Variants in UBE4A observed in about 807,000 individuals in gnomAD.
The protein encoded by UBE4A is ubiquitin conjugation factor E4 A.
In UBE4A, 48 loss-of-function variants were observed where a neutral mutation model predicts 117.9. The ratio of observed to expected loss-of-function variants is 0.41; its 90% CI spans 0.32 to 0.52. The LOEUF (loss-of-function observed/expected upper bound fraction) is 0.52, where lower values mean the gene tolerates loss of function less well. Among genes scored for constraint, UBE4A ranks in the 20% least tolerant of loss-of-function variants. UBE4A has a pLI of 0.33. For missense variants in UBE4A, 1,067 were observed against 1,296.3 expected (o/e 0.82, Z 2.72); for synonymous variants, 407 against 450.0 (o/e 0.90, Z 1.21).
chr11:118,379,574 T>G lies in UBE4A; in HGVS notation c.1700T>G (p.Ile567Ser), dbSNP rs1555125943. 6.2e-7 allele frequency: 1 copy of G among 1,614,210 alleles called. No individual in the cohort carries two copies. ...LREQFERLMT[I>S]YLSTKTAMTE... ...GAGCAGTTTGAACGACTGATGACCA[T>G]CTATCTTTCTACCAAGACTGCCATG... The change falls in exon 11 of 20, where the codon ATC (isoleucine) becomes AGC (serine). Residue 567 changes from isoleucine to serine, a missense_variant. Physicochemically the swap from Ile to Ser is moderately radical, Grantham distance 142. Transcript: ENST00000252108.
At position 118,373,095 on chromosome 11, in the gene UBE4A, A is replaced by T; in HGVS notation, c.731A>T (p.Asp244Val). The stretch of plus-strand genomic sequence containing the variant: ...ATTTGTCTTCTGTTAGATTTTGAAG[A>T]TGTAACTGAGTTTCTGGAAGAGGTC... ...LEAIQGAHFE[D>V]VTEFLEEVIE... is the part of the protein sequence containing the mutation. The change falls in exon 7 of 20, where the codon GAT (aspartate) becomes GTT (valine). Residue 244 changes from aspartate (D) to valine (V), a missense_variant. Asp to Val is a radical substitution (Grantham distance 152, BLOSUM62 -3). Coordinates refer to ENST00000252108, the MANE Select transcript of UBE4A (RefSeq NM_001204077.2). 1.2e-6 allele frequency: 2 copies of T among 1,613,970 alleles called. No homozygotes were observed. The highest frequency in any genetic ancestry group is 1.7e-6 in the Non-Finnish European group (2 of 1,179,970).
intron 1 of UBE4A, among the ~76,000 whole-genome samples, chr11:118,362,641 C>T (rs1948529321): frequency 6.6e-6 from 1 of 152,284 alleles, no homozygotes; most frequent in South Asian, 2.1e-4. Context: ...TCTCTCAATT[C>T]TGTTTTCTAG....
chr11:118,392,955 T>C, intron 19 of UBE4A, 60 bp downstream of exon 19: 8 of 1,546,310 alleles, frequency 5.2e-6, no homozygotes, highest in Non-Finnish European at 7.0e-6. Context: ...GCTATCTTTT[T>C]CTCCCAGGCA....
intron 16 of UBE4A, 112 bp downstream of exon 16, chr11:118,386,724 C>T: frequency 8.4e-7 from 1 of 1,189,566 alleles, no homozygotes; most frequent in Non-Finnish European, 1.1e-6. Context: ...ACAGTATCCT[C>T]CACATCTGGA....
rs1948875762 is a variant in UBE4A at position 118,396,541 on chromosome 11, CTTTTTCTTTT to C, written c.*107_*116del. On this transcript the variant is annotated 3_prime_UTR_variant, in exon 20 of 20. Coordinates refer to ENST00000252108, the MANE Select transcript of UBE4A (RefSeq NM_001204077.2). ...TTCTGTTCCTTTTCTTTCTTCTTTTCTTTTTCTTTTTTTTTTTTTTTTTTACTAAATTAGA... is the reference window on the plus strand; with the variant it reads ...TTCTGTTCCTTTTCTTTCTTCTTTTCTTTTTTTTTTTTTTACTAAATTAGA... The C allele has an allele frequency of 1.1e-6, 1 of 911,766 alleles. No individual in the cohort carries two copies. Among genetic ancestry groups the C allele is most frequent in the Non-Finnish European group, 1.5e-6 (1 of 684,434 alleles). The allele number at this position is 911,766 out of a possible 1,614,324, so 56.5% of individuals were successfully genotyped here.
chr11:118,372,218 G>A (rs949523896), intron 5 of UBE4A, among the ~76,000 whole-genome samples: 5 of 152,160 alleles, frequency 3.3e-5, no homozygotes, highest in Non-Finnish European at 5.9e-5. Context: ...TCACACCACT[G>A]CACTCCAGCC....
At chr11:118,372,985 TAAAAAA>T in intron 6 of UBE4A, 95 bp from the exon 7 acceptor site, 1 of 961,128 alleles carries the variant, frequency 1.0e-6, no homozygotes, top group Non-Finnish European at 1.5e-6. Context: ...CCCCCAGCTC[TAAAAAA>T]AAAAAAAAAA....
intron 19 of UBE4A, among the ~76,000 whole-genome samples, chr11:118,395,849 T>G (rs1475097730): frequency 6.6e-6 from 1 of 152,038 alleles, no homozygotes; most frequent in Non-Finnish European, 1.5e-5. Context: ...CCAAGGCTGG[T>G]GGATCACTTG....
intron 17 of UBE4A, 57 bp downstream of exon 17, chr11:118,389,962 T>G: frequency 6.9e-7 from 1 of 1,453,856 alleles, no homozygotes; most frequent in Non-Finnish European, 9.3e-7. Flanking sequence ...TTTAGGGTTT[T>G]GATAGTAGAA....
Position 118,391,403 on chromosome 11 carries a change from C to T in UBE4A, c.2916+599C>T, listed in dbSNP as rs994550945. On this transcript the variant is annotated intron_variant, in intron 18 of 19. Transcript: ENST00000252108. ...ACTCGGGAGGCTGAGGCAGGAGAAT[C>T]GCTTGAACCTGGGAGGCGGAGGTTG... 5.4e-5 allele frequency among the ~76,000 whole-genome samples: 8 copies of T among 146,970 alleles called. No individual in the cohort carries two copies. In the South Asian group the frequency reaches 6.6e-4, roughly 12 times the overall value.
At chr11:118,379,301 A>G (rs181089600) in intron 10 of UBE4A, 145 bp from the exon 11 acceptor site, 23 of 873,304 alleles carry the variant, frequency 2.6e-5, no homozygotes, top group African/African-American at 1.0e-4. Flanking sequence ...TGTCCTGTCA[A>G]AAACTTTTGT....
Position 118,371,400 on chromosome 11 carries a change from A to G in UBE4A, c.409-114A>G, listed in dbSNP as rs45624435. 6.8e-3 allele frequency: 8,946 copies of G among 1,320,756 alleles called. 37 individuals are homozygous for G. The highest frequency in any genetic ancestry group is 7.8e-3 in the Non-Finnish European group (7,654 of 975,888). The allele number at this position is 1,320,756 out of a possible 1,614,324, so 81.8% of individuals were successfully genotyped here. ...GGGCCCTTTTTTTCTCCTTCACTCT[A>G]CATTCAAATCTGTGATTCTTGCTAA... On this transcript the variant is annotated intron_variant, in intron 4 of 19. Coordinates refer to ENST00000252108, the MANE Select transcript of UBE4A (RefSeq NM_001204077.2).
At chr11:118,394,138 ACT>A (rs1948846365) in intron 19 of UBE4A, among the ~76,000 whole-genome samples, 1 of 151,534 alleles carries the variant, frequency 6.6e-6, no homozygotes. Flanking sequence ...GTACTGAGAG[ACT>A]CTGCCTATTT....
chr11:118,375,256 C>CTCTGTGTG, intron 9 of UBE4A, 27 bp downstream of exon 9: 1 of 1,475,474 alleles, frequency 6.8e-7, no homozygotes, highest in Non-Finnish European at 9.2e-7. Context: ...CTTCTCAAAA[C>CTCTGTGTG]TGTGTGTGTG....
Position 118,398,181 on chromosome 11 carries a change from G to C in UBE4A, c.*1741G>C, listed in dbSNP as rs189287604. ...TCTCATTTTAAAAACGAGGGGAAAAGACCAGAGTTTTTCAGGAGAAAACTG... is the reference window on the plus strand; with the variant it reads ...TCTCATTTTAAAAACGAGGGGAAAACACCAGAGTTTTTCAGGAGAAAACTG... On this transcript the variant is annotated 3_prime_UTR_variant, in exon 20 of 20. Transcript: ENST00000252108. The C allele has an allele frequency of 3.3e-5, 5 of 152,640 alleles. No individual in the cohort carries two copies. Among genetic ancestry groups the C allele is most frequent in the Admixed American group, 3.3e-4 (5 of 15,294 alleles). 9.5% of individuals were successfully genotyped at this position (152,640 alleles called of 1,614,324 possible).
Position 118,382,721 on chromosome 11 carries a change from T to C in UBE4A, c.2142T>C (p.Tyr714=), listed in dbSNP as rs567105943. Residue 714 remains tyrosine, a synonymous_variant, in exon 13 of 20, where the codon TAT becomes TAC. Transcript: ENST00000252108. The part of the protein sequence containing the change: ...HRKRVFCNFQ[Y]APQLAEALIK... ...AACGTGTGTTCTGCAACTTTCAGTA[T>C]GCACCCCAACTTGCAGAGGCTCTAA... 1.1e-4 allele frequency: 170 copies of C among 1,603,798 alleles called. No homozygotes were observed. The highest frequency in any genetic ancestry group is 1.4e-4 in the Admixed American group (8 of 59,042).
chr11:118,371,610 G>T lies in UBE4A; in HGVS notation c.505G>T (p.Gly169Ter). 1 of 1,613,858 alleles carries T rather than the reference G, an allele frequency of 6.2e-7. No homozygotes were observed. Among genetic ancestry groups the T allele is most frequent in the Non-Finnish European group, 8.5e-7 (1 of 1,180,000 alleles). The change falls in exon 5 of 20, where the codon GGA (glycine) becomes TGA (stop). Residue 169 changes from glycine (G) to a stop codon, truncating the protein, a stop_gained. Transcript: ENST00000252108. LOFTEE classifies it high-confidence loss of function. ...AAATCTCTCTGCTGATCGAGATGCA[G>T]GAGAGAGGCACATTTTTTGTTACCT... ...TLNLSADRDA[G>*]ERHIFCYLYS... is the part of the protein sequence containing the mutation.
Position 118,368,662 on chromosome 11 carries a change from T to A in UBE4A, c.153T>A (p.Asp51Glu). The change falls in exon 3 of 20, where the codon GAT becomes GAA. Residue 51 changes from aspartate (D) to glutamate (E), a missense_variant. Physicochemically the swap from Asp to Glu is conservative, Grantham distance 45. Transcript: ENST00000252108. ...TCCCAGCTAGCCCAGATGACTCGGA[T>A]AATAGCGTGTCAGAGAGCCTGGATG... The part of the protein sequence containing the change: ...DELPASPDDS[D>E]NSVSESLDEF... 1.2e-6 allele frequency: 2 copies of A among 1,614,190 alleles called. No homozygotes were observed. Among genetic ancestry groups the A allele is most frequent in the Non-Finnish European group, 1.7e-6 (2 of 1,180,030 alleles).
intron 2 of UBE4A, among the ~76,000 whole-genome samples, chr11:118,368,389 A>G (rs530032723): frequency 2.6e-5 from 4 of 152,320 alleles, no homozygotes; most frequent in Admixed American, 6.5e-5. Flanking sequence ...TATTTCTGGC[A>G]GTGTGGAGTA....
Sources: allele counts gnomAD v4.1 joint callset (sites outside exome capture counted in the v4.1 genomes callset), GRCh38; gene constraint gnomAD v4.1.1; transcripts MANE v1.5; gene names NCBI Gene and HGNC (gene_info 2026-07-23, HGNC 2026-07-21).